Variants in PRDM2 observed in about 807,000 individuals in gnomAD.
The protein encoded by PRDM2 is PR/SET domain 2.
Under a neutral mutation model 130.0 loss-of-function variants are expected in PRDM2, and 30 were observed. The observed-to-expected ratio is 0.23, with a 90% CI of 0.17 to 0.31. The LOEUF (loss-of-function observed/expected upper bound fraction) is 0.31, where lower values mean the gene tolerates loss of function less well. Among genes scored for constraint, PRDM2 ranks in the 10% least tolerant of loss-of-function variants. The pLI, the probability that PRDM2 is intolerant of heterozygous loss-of-function variation, is 1.00. For missense variants in PRDM2, 2,011 were observed against 2,108.4 expected, an observed-to-expected ratio of 0.95 and a Z score of 0.90; for synonymous variants, 871 against 782.4, an observed-to-expected ratio of 1.11 and a Z score of -1.89.
intron 8 of PRDM2, among the ~76,000 whole-genome samples, chr1:13,814,198 TG>T (rs1415681749): frequency 1.3e-5 from 2 of 152,172 alleles, no homozygotes; most frequent in Non-Finnish European, 2.9e-5. Context: ...CCAGCTAGAA[TG>T]GGGTTGGCGG....
chr1:13,791,520 G>A (rs898763254), intron 8 of PRDM2, among the ~76,000 whole-genome samples: 1 of 152,148 alleles, frequency 6.6e-6, no homozygotes, highest in Non-Finnish European at 1.5e-5. Context: ...TTGAGCTGCT[G>A]GGCATTAACC....
At chr1:13,741,368 C>G (rs974856355) in intron 4 of PRDM2, among the ~76,000 whole-genome samples, 1 of 152,140 alleles carries the variant, frequency 6.6e-6, no homozygotes, top group Admixed American at 6.5e-5. Flanking sequence ...TCCATCACCC[C>G]TTCATCCTTG....
rs950925780 is a variant in PRDM2 at position 13,806,219 on chromosome 1, A to G, written c.5037-10208A>G. On this transcript the variant is annotated intron_variant, in intron 8 of 9. Transcript: ENST00000311066. The surrounding 1 kb of genome is among the most constrained non-coding windows in gnomAD (Gnocchi z 4.1). The stretch of plus-strand genomic sequence containing the variant: ...CCTCTCCCAGTCTCTGCACATTACC[A>G]GCTGCTCCCCCGCATCCCGCCTCCA... 1.3e-5 allele frequency among the ~76,000 whole-genome samples: 2 copies of G among 151,622 alleles called. No homozygotes were observed. The highest frequency in any genetic ancestry group is 2.9e-5 in the Non-Finnish European group (2 of 67,950).
At position 13,803,012 on chromosome 1, in the gene PRDM2, G is replaced by C. The variant is rs930991134; in HGVS notation, c.5037-13415G>C. Among the ~76,000 whole-genome samples the C allele has an allele frequency of 6.6e-6, 1 of 152,188 alleles. No homozygotes were observed. Among genetic ancestry groups the C allele is most frequent in the African/African-American group, 2.4e-5 (1 of 41,456 alleles). ...CACCCTGCTGGGCTTCTCTCACCCG[G>C]GCTGGTCGTGTCACGGGCAGTGACG... On this transcript the variant is annotated intron_variant, in intron 8 of 9. Coordinates refer to ENST00000311066, the MANE Select transcript of PRDM2 (RefSeq NM_001393986.1). This position sits in a 1 kb window ranked among gnomAD's most constrained non-coding sequence, Gnocchi z 6.2.
intron 6 of PRDM2, among the ~76,000 whole-genome samples, chr1:13,767,095 T>A (rs1003641286): frequency 6.6e-6 from 1 of 152,200 alleles, no homozygotes; most frequent in Non-Finnish European, 1.5e-5. Flanking sequence ...TAGAAAATAG[T>A]CATTATGGCT....
At chr1:13,754,056 CTG>C (rs1557622436) in intron 6 of PRDM2, among the ~76,000 whole-genome samples, 2 of 152,024 alleles carry the variant, frequency 1.3e-5, no homozygotes. Flanking sequence ...TATGGCCTGA[CTG>C]TAGGTGGGAG....
intron 6 of PRDM2, among the ~76,000 whole-genome samples, chr1:13,751,678 A>G (rs908295727): frequency 2.0e-5 from 3 of 152,200 alleles, no homozygotes; most frequent in African/African-American, 7.2e-5. Context: ...TGAAAGCCGC[A>G]TGTTGAATAC....
intron 4 of PRDM2, among the ~76,000 whole-genome samples, chr1:13,735,518 T>C (rs1451922090): frequency 1.3e-5 from 2 of 152,240 alleles, no homozygotes; most frequent in Admixed American, 6.5e-5. Context: ...ATTATTTTAG[T>C]AAGCTTTTTT....
rs777471382 is a variant in PRDM2 at position 13,824,414 on chromosome 1, A to G, written c.*1279A>G. 2 of 152,324 alleles carry G rather than the reference A, an allele frequency of 1.3e-5. No homozygotes were observed. The highest frequency in any genetic ancestry group is 2.9e-5 in the Non-Finnish European group (2 of 68,030). 9.4% of individuals were successfully genotyped at this position (152,324 alleles called of 1,614,324 possible). On this transcript the variant is annotated 3_prime_UTR_variant, in exon 10 of 10. Transcript: ENST00000311066. Reference sequence around the variant, plus strand: ...TATGTAGACACTTTTAAAAGCACGTATTTATGTCCCTGACTGTAAATGCTC... The same window carrying G: ...TATGTAGACACTTTTAAAAGCACGTGTTTATGTCCCTGACTGTAAATGCTC...
Position 13,781,822 on chromosome 1 carries a change from G to A in PRDM2, c.4027G>A (p.Asp1343Asn), listed in dbSNP as rs1644619311. The change falls in exon 8 of 10, where the codon GAC (aspartate) becomes AAC (asparagine). Residue 1343 changes from aspartate to asparagine, a missense_variant. This residue lies in a region of PRDM2 where 229 missense variants were observed against 364.1 expected (regional missense o/e 0.63). Coordinates refer to ENST00000311066, the MANE Select transcript of PRDM2 (RefSeq NM_001393986.1). The surrounding 1 kb of genome is among the most constrained non-coding windows in gnomAD (Gnocchi z 6.1). ...CTGCACAAAGTGTGGAAAAGGTGTC[G>A]ACAATATGCCGGAGTTGCACAAACA... ...IRCTKCGKGV[D>N]NMPELHKHIL... 7 of 1,614,018 alleles carry A rather than the reference G, an allele frequency of 4.3e-6. No individual in the cohort carries two copies. Among genetic ancestry groups the A allele is most frequent in the Non-Finnish European group, 5.9e-6 (7 of 1,180,044 alleles).
chr1:13,755,853 C>G (rs1643936925), intron 6 of PRDM2, among the ~76,000 whole-genome samples: 2 of 151,908 alleles, frequency 1.3e-5, no homozygotes, highest in South Asian at 4.1e-4. Context: ...AGGTTGGACT[C>G]GAACTCCTGA....
chr1:13,821,541 C>T (rs1256282606), intron 9 of PRDM2, among the ~76,000 whole-genome samples: 1 of 151,934 alleles, frequency 6.6e-6, no homozygotes, highest in Non-Finnish European at 1.5e-5. Context: ...CAGGTCGCTG[C>T]AACCTCTGTC....
rs78150090 is a variant in PRDM2, at chr1:13,813,223, C to T, written c.5037-3204C>T. 4.2e-3 allele frequency among the ~76,000 whole-genome samples: 638 copies of T among 152,312 alleles called. 11 individuals carry two copies. The East Asian group carries it at 0.049, about 12-fold the overall frequency. ...GATCAACCTGGAACTCAGACAGGTC[C>T]ATGACTCACTGAGGTCACACAGCTA... On this transcript the variant is annotated intron_variant, in intron 8 of 9. Coordinates refer to ENST00000311066, the MANE Select transcript of PRDM2 (RefSeq NM_001393986.1).
At chr1:13,714,821 T>G (rs899251225) in intron 1 of PRDM2, among the ~76,000 whole-genome samples, 5 of 152,238 alleles carry the variant, frequency 3.3e-5, no homozygotes, top group Admixed American at 3.3e-4. Context: ...TAAAGTGTCA[T>G]GATTTAATTT....
rs1340682853 is a variant in PRDM2, at chr1:13,803,579, C to T, written c.5037-12848C>T. Among the ~76,000 whole-genome samples the T allele has an allele frequency of 4.6e-5, 7 of 152,180 alleles. No individual in the cohort carries two copies. Among genetic ancestry groups the T allele is most frequent in the Middle Eastern group, 3.2e-3 (1 of 316 alleles). ...GAACAACCTGGAGTATGACTGTGAG[C>T]GAGTGCCTTGCTCGCTCTCCTCGGT... On this transcript the variant is annotated intron_variant, in intron 8 of 9. Coordinates refer to ENST00000311066, the MANE Select transcript of PRDM2 (RefSeq NM_001393986.1). The surrounding 1 kb of genome is among the most constrained non-coding windows in gnomAD (Gnocchi z 6.2).
chr1:13,728,580 T>C (rs1179068990), intron 2 of PRDM2, among the ~76,000 whole-genome samples: 1 of 152,158 alleles, frequency 6.6e-6, no homozygotes, highest in East Asian at 1.9e-4. Flanking sequence ...TCTGTTGTAG[T>C]TTGGTCTTTT....
At chr1:13,737,872 C>T (rs1643318523) in intron 4 of PRDM2, among the ~76,000 whole-genome samples, 1 of 152,110 alleles carries the variant, frequency 6.6e-6, no homozygotes, top group African/African-American at 2.4e-5. Flanking sequence ...TTCTTGAACA[C>T]CATGCTTGGC....
intron 2 of PRDM2, among the ~76,000 whole-genome samples, chr1:13,725,038 G>A (rs529345984): frequency 2.0e-5 from 3 of 152,134 alleles, no homozygotes; most frequent in Non-Finnish European, 4.4e-5. Flanking sequence ...GCCCTGAGAG[G>A]GGAGGTACGA....
At chr1:13,752,134 G>C (rs992405404) in intron 6 of PRDM2, among the ~76,000 whole-genome samples, 7 of 152,216 alleles carry the variant, frequency 4.6e-5, no homozygotes, top group Non-Finnish European at 1.0e-4. Flanking sequence ...TCAGTGCCTA[G>C]ACAGTTGGCA....
Sources: gnomAD v4.1 joint callset for allele counts (sites outside exome capture counted in the v4.1 genomes callset) on GRCh38, gnomAD v4.1.1 for gene constraint, gnomAD v4.1.1 regional missense constraint, Gnocchi (gnomAD v3.1) non-coding constraint, MANE v1.5 for transcripts, NCBI Gene and HGNC (gene_info 2026-07-23, HGNC 2026-07-21) for gene names.